MAEL: variants seen among roughly 807,000 people sequenced by gnomAD.
The protein encoded by MAEL is maelstrom spermatogenic transposon silencer.
In MAEL, 46 loss-of-function variants were observed where a neutral mutation model predicts 62.0. The ratio of observed to expected loss-of-function variants is 0.74; its 90% CI spans 0.59 to 0.95. MAEL has a LOEUF of 0.95. MAEL is among the 40% of genes least tolerant of loss of function. The pLI is 0.00. For missense variants in MAEL, 497 were observed against 526.8 expected, an observed-to-expected ratio of 0.94 and a Z score of 0.55; for synonymous variants, 172 against 175.5, an observed-to-expected ratio of 0.98 and a Z score of 0.16.
intron 5 of MAEL, among the ~76,000 whole-genome samples, chr1:167,001,517 A>C (rs1664665203): frequency 6.6e-6 from 1 of 152,214 alleles, no homozygotes; most frequent in Admixed American, 6.5e-5. Flanking sequence ...TTTTTATATT[A>C]AGGTATGTTC....
intron 8 of MAEL, among the ~76,000 whole-genome samples, chr1:167,008,373 G>T (rs936965796): frequency 2.0e-5 from 3 of 151,966 alleles, no homozygotes; most frequent in African/African-American, 7.2e-5. Flanking sequence ...TCTAGAAAAT[G>T]ATACATGTTA....
chr1:167,004,281 A>C lies in MAEL; in HGVS notation c.625A>C (p.Asn209His). The C allele has an allele frequency of 6.2e-7, 1 of 1,606,460 alleles. No individual in the cohort carries two copies. The highest frequency in any genetic ancestry group is 8.5e-7 in the Non-Finnish European group (1 of 1,176,782). ...LYRFIHPNPGNWPPIYCKSDD... is the reference protein window; with the variant it reads ...LYRFIHPNPGHWPPIYCKSDD... ...TAGATTTATTCATCCCAACCCAGGG[A>C]ACTGGCCACCTATCTACTGCAAGGT... The change falls in exon 6 of 12, where the codon AAC becomes CAC. Residue 209 changes from asparagine to histidine, a missense_variant. Coordinates refer to ENST00000367872, the MANE Select transcript of MAEL (RefSeq NM_032858.3).
intron 5 of MAEL, among the ~76,000 whole-genome samples, chr1:167,000,397 C>G (rs964199155): frequency 2.6e-5 from 4 of 152,124 alleles, no homozygotes; most frequent in Non-Finnish European, 5.9e-5. Flanking sequence ...GAAATGGAAC[C>G]TGAAAATGTG....
At chr1:166,990,434 C>G (rs1335175503) in intron 2 of MAEL, 4 of 152,140 alleles carry the variant, frequency 2.6e-5, no homozygotes, top group African/African-American at 9.7e-5. Flanking sequence ...GTGGGCTGAT[C>G]ACTTGAGGTC....
At chr1:166,989,589 C>A in intron 1 of MAEL, 105 bp downstream of exon 1, 3 of 1,500,044 alleles carry the variant, frequency 2.0e-6, no homozygotes, top group South Asian at 1.3e-5. Context: ...CTTGGCCCTG[C>A]CAGAGGAAGA....
At chr1:167,005,637 G>A (rs911307830) in intron 8 of MAEL, 6 of 308,016 alleles carry the variant, frequency 1.9e-5, no homozygotes, top group Admixed American at 4.8e-5. Context: ...ACTGATGAGA[G>A]AATATCCCTA....
At chr1:166,997,472 G>A (rs1477544582) in intron 5 of MAEL, among the ~76,000 whole-genome samples, 1 of 152,128 alleles carries the variant, frequency 6.6e-6, no homozygotes, top group African/African-American at 2.4e-5. Flanking sequence ...CCTGTTTTCA[G>A]TTTGTGTCTT....
At chr1:166,993,093 G>C (rs937040204) in intron 4 of MAEL, among the ~76,000 whole-genome samples, 1 of 152,136 alleles carries the variant, frequency 6.6e-6, no homozygotes, top group Admixed American at 6.5e-5. Context: ...TTCATAGCCT[G>C]CTATTCACCT....
At chr1:167,012,225 T>C (rs933841804) in intron 8 of MAEL, 1 of 152,220 alleles carries the variant, frequency 6.6e-6, no homozygotes, top group Admixed American at 6.5e-5. Context: ...TTGTGATAAA[T>C]GTTTTGTCTA....
Position 166,991,414 on chromosome 1 carries a change from C to G in MAEL, c.262C>G (p.Leu88Val). ...VFTPLRRPGM[L>V]VPKQNVSPPD... is the part of the protein sequence containing the mutation. ...CACACCACTGAGGAGGCCAGGCATG[C>G]TTGTACCAAAGCAGAATGTTTCACC... Residue 88 changes from leucine to valine, a missense_variant, in exon 3 of 12, where the codon CTT (leucine) becomes GTT (valine). Coordinates refer to ENST00000367872, the MANE Select transcript of MAEL (RefSeq NM_032858.3). The G allele has an allele frequency of 6.2e-7, 1 of 1,613,392 alleles. No homozygotes were observed. Among genetic ancestry groups the G allele is most frequent in the Non-Finnish European group, 8.5e-7 (1 of 1,179,438 alleles).
chr1:167,012,981 A>G (rs1665233172), intron 8 of MAEL, among the ~76,000 whole-genome samples: 1 of 152,196 alleles, frequency 6.6e-6, no homozygotes, highest in African/African-American at 2.4e-5. Context: ...GATAGGTTAA[A>G]GTCAGTAGAC....
chr1:166,991,401 G>A lies in MAEL; in HGVS notation c.249G>A (p.Arg83=), dbSNP rs983777069. Reference sequence around the variant, plus strand: ...AGAAACCTGTTTTCACACCACTGAGGAGGCCAGGCATGCTTGTACCAAAGC... The same window carrying A: ...AGAAACCTGTTTTCACACCACTGAGAAGGCCAGGCATGCTTGTACCAAAGC... ...EKQKPVFTPL[R]RPGMLVPKQN... Residue 83 remains arginine (R), a synonymous_variant, in exon 3 of 12, where the codon AGG becomes AGA. Transcript: ENST00000367872. 4 of 1,612,870 alleles carry A rather than the reference G, an allele frequency of 2.5e-6. No homozygotes were observed. Among genetic ancestry groups the A allele is most frequent in the Non-Finnish European group, 3.4e-6 (4 of 1,178,950 alleles).
intron 11 of MAEL, among the ~76,000 whole-genome samples, chr1:167,021,410 C>T (rs61817704): frequency 6.6e-6 from 1 of 152,084 alleles, no homozygotes; most frequent in Non-Finnish European, 1.5e-5. Flanking sequence ...TTTCTTGTAG[C>T]AGCAATAGCT....
Position 167,005,145 on chromosome 1 carries a change from G to A in MAEL, c.703+15G>A. 6.2e-7 allele frequency: 1 copy of A among 1,613,326 alleles called. No individual in the cohort carries two copies. The highest frequency in any genetic ancestry group is 8.5e-7 in the Non-Finnish European group (1 of 1,179,608). On this transcript the variant is annotated intron_variant, in intron 7 of 11. Transcript: ENST00000367872. ...AAAGGCATCAGGTAAGTAAAACTCT[G>A]GGTTGCTGCAGAAGTGCTTTATAGT...
chr1:166,993,568 C>A (rs186156122), intron 4 of MAEL, among the ~76,000 whole-genome samples: 9 of 152,300 alleles, frequency 5.9e-5, no homozygotes, highest in African/African-American at 2.2e-4. Context: ...GACAGAAAAG[C>A]TAATCATCCT....
chr1:167,004,115 T>G, intron 5 of MAEL, 65 bp from the exon 6 acceptor site: 1 of 1,454,832 alleles, frequency 6.9e-7, no homozygotes, highest in Non-Finnish European at 9.5e-7. Context: ...TACCCCCACT[T>G]CTATACCTAC....
intron 8 of MAEL, among the ~76,000 whole-genome samples, chr1:167,013,020 A>C (rs1205452569): frequency 6.6e-6 from 1 of 152,178 alleles, no homozygotes; most frequent in Admixed American, 6.5e-5. Context: ...CCAGGGAGAG[A>C]AAACAGAAAG....
chr1:167,004,434 GT>G, intron 6 of MAEL, 130 bp downstream of exon 6: 1 of 805,780 alleles, frequency 1.2e-6, no homozygotes, highest in South Asian at 2.8e-5. Flanking sequence ...ATTTTGAATT[GT>G]TTTGAATGTA....
At chr1:167,021,523 C>A in intron 11 of MAEL, 145 bp from the exon 12 acceptor site, 1 of 589,968 alleles carries the variant, frequency 1.7e-6, no homozygotes. Flanking sequence ...TTAAAAGTTT[C>A]CTGGGCTAAA....
Sources: allele counts gnomAD v4.1 joint callset (sites outside exome capture counted in the v4.1 genomes callset), GRCh38; gene constraint gnomAD v4.1.1; transcripts MANE v1.5; gene names NCBI Gene and HGNC (gene_info 2026-07-23, HGNC 2026-07-21).